NAV3: variants seen among roughly 807,000 people sequenced by gnomAD.
The protein encoded by NAV3 is pore membrane and/or filament interacting like protein 1.
NAV3 carries 87 observed loss-of-function variants against 244.7 expected under a neutral mutation model. That is an observed-to-expected ratio of 0.36 (90% CI 0.30 to 0.42). NAV3 has a LOEUF of 0.42. Ranked by LOEUF, NAV3 falls within the 20% of genes least tolerant of loss-of-function variation. The pLI, the probability that NAV3 is intolerant of heterozygous loss-of-function variation, is 1.00. For synonymous variants in NAV3, 1,126 were observed against 1,042.2 expected (o/e 1.08, Z -1.55); for missense variants, 2,663 against 2,893.3 (o/e 0.92, Z 1.83).
chr12:77,775,735 A>C (rs1035451569), intron 2 of NAV3: 4 of 152,230 alleles, frequency 2.6e-5, no homozygotes, highest in African/African-American at 9.6e-5. Flanking sequence ...TTAGTGTACT[A>C]TGAGGTAAGT....
chr12:78,099,507 A>G (rs1312425971), intron 12 of NAV3, among the ~76,000 whole-genome samples: 1 of 151,868 alleles, frequency 6.6e-6, no homozygotes, highest in African/African-American at 2.4e-5. Flanking sequence ...CCAGTCTTCC[A>G]CAGTGAGCAT....
intron 2 of NAV3, among the ~76,000 whole-genome samples, chr12:77,658,817 T>C (rs1285607694): frequency 6.6e-6 from 1 of 151,848 alleles, no homozygotes; most frequent in Non-Finnish European, 1.5e-5. Context: ...TATCTACAAC[T>C]ATCTGATCTT....
At chr12:77,870,721 C>A in intron 1 of NAV3, among the ~76,000 whole-genome samples, 1 of 152,066 alleles carries the variant, frequency 6.6e-6, no homozygotes, top group Non-Finnish European at 1.5e-5. Context: ...GGAAGAAAGA[C>A]AGTGGGAAAT....
intron 23 of NAV3, among the ~76,000 whole-genome samples, chr12:78,165,510 A>T (rs115311031): frequency 0.013 from 1,942 of 152,078 alleles, 35 homozygotes; most frequent in African/African-American, 0.043. Flanking sequence ...AAAATATTTT[A>T]AAAATTTCTA....
chr12:77,827,664 A>C (rs140014344), upstream of NAV3, among the ~76,000 whole-genome samples: 270 of 152,296 alleles, frequency 1.8e-3, 2 homozygotes, highest in African/African-American at 6.2e-3. Flanking sequence ...TATCTTTCTA[A>C]TTCTCATGAC....
chr12:77,771,736 G>A lies in NAV3; in HGVS notation c.73-168583G>A, dbSNP rs570515475. Among the ~76,000 whole-genome samples the A allele has an allele frequency of 1.8e-4, 28 of 152,172 alleles. No individual in the cohort carries two copies. The South Asian group carries it at 5.6e-3, about 30-fold the overall frequency. On this transcript the variant is annotated intron_variant, in intron 2 of 8. Transcript: ENST00000550042. ...AATGAGAACACATGGACACAGGAAG[G>A]GGAACATCACAATCCGGGGCTGTTG...
chr12:78,158,184 C>A (rs114618237), intron 22 of NAV3, among the ~76,000 whole-genome samples: 180 of 152,164 alleles, frequency 1.2e-3, no homozygotes, highest in African/African-American at 4.0e-3. Context: ...AAAAGAAATT[C>A]ATTTTTGGCC....
intron 2 of NAV3, among the ~76,000 whole-genome samples, chr12:77,742,564 T>G (rs1868357094): frequency 6.6e-6 from 1 of 152,104 alleles, no homozygotes; most frequent in Admixed American, 6.6e-5. Context: ...ATGTAGATAC[T>G]AGTCTATTTT....
intron 12 of NAV3, among the ~76,000 whole-genome samples, chr12:78,086,046 TGG>T (rs1953617373): frequency 5.3e-5 from 8 of 152,080 alleles, no homozygotes; most frequent in Non-Finnish European, 7.4e-5. Context: ...TAGCCAAGAT[TGG>T]GTAAGTTACT....
At chr12:78,017,951 G>A (rs1403498563) in intron 8 of NAV3, among the ~76,000 whole-genome samples, 2 of 152,132 alleles carry the variant, frequency 1.3e-5, no homozygotes, top group Non-Finnish European at 2.9e-5. Context: ...GGAAATACTA[G>A]AGAAACGGAT....
intron 2 of NAV3, among the ~76,000 whole-genome samples, chr12:77,618,990 A>C (rs1014766153): frequency 6.6e-6 from 1 of 152,250 alleles, no homozygotes; most frequent in African/African-American, 2.4e-5. Flanking sequence ...TCTAAAGGAC[A>C]TAAGAATTGC....
At chr12:77,933,513 A>G (rs1013546603) in intron 1 of NAV3, among the ~76,000 whole-genome samples, 1 of 152,250 alleles carries the variant, frequency 6.6e-6, no homozygotes, top group Non-Finnish European at 1.5e-5. Context: ...ACTCATTAAT[A>G]TTCACTTTTA....
intron 18 of NAV3, among the ~76,000 whole-genome samples, chr12:78,132,568 T>C (rs1226854186): frequency 6.6e-6 from 1 of 152,182 alleles, no homozygotes; most frequent in Non-Finnish European, 1.5e-5. Flanking sequence ...TGAGAGTGAA[T>C]GGGACTATAT....
chr12:78,095,045 T>TTATATATATATATATATATATA (rs368659738), intron 12 of NAV3, among the ~76,000 whole-genome samples: 8 of 123,850 alleles, frequency 6.5e-5, no homozygotes, highest in African/African-American at 2.3e-4. Context: ...CCATATCAAA[T>TTATATATATATATATATATATA]TATATATATA....
intron 1 of NAV3, among the ~76,000 whole-genome samples, chr12:77,836,299 A>G (rs1183939428): frequency 6.6e-6 from 1 of 152,132 alleles, no homozygotes; most frequent in Non-Finnish European, 1.5e-5. Context: ...TGGCTTTTAC[A>G]TCTCAATCCC....
At chr12:77,642,604 T>C (rs1296833358) in intron 2 of NAV3, among the ~76,000 whole-genome samples, 1 of 152,100 alleles carries the variant, frequency 6.6e-6, no homozygotes, top group Non-Finnish European at 1.5e-5. Context: ...AGTCACATAT[T>C]ACAAATAGAT....
chr12:77,703,336 C>T (rs1875645138), intron 2 of NAV3, among the ~76,000 whole-genome samples: 1 of 152,018 alleles, frequency 6.6e-6, no homozygotes, highest in African/African-American at 2.4e-5. Context: ...GAGATTCATC[C>T]ATCTTATTAC....
intron 2 of NAV3, among the ~76,000 whole-genome samples, chr12:77,782,261 C>A (rs1342864482): frequency 1.3e-5 from 2 of 150,472 alleles, no homozygotes; most frequent in Admixed American, 6.7e-5. Flanking sequence ...GCCTCCAACT[C>A]CCCCTTGCCT....
chr12:77,614,420 C>T (rs1033786573), intron 2 of NAV3, among the ~76,000 whole-genome samples: 1 of 151,804 alleles, frequency 6.6e-6, no homozygotes, highest in African/African-American at 2.4e-5. Flanking sequence ...TTTTCTAGGC[C>T]CCTTTTGTCC....
Sources: gnomAD v4.1 joint callset for allele counts (sites outside exome capture counted in the v4.1 genomes callset) on GRCh38, gnomAD v4.1.1 for gene constraint, MANE v1.5 for transcripts, NCBI Gene and HGNC (gene_info 2026-07-23, HGNC 2026-07-21) for gene names.